Variants in CTNND2 observed in about 807,000 individuals in gnomAD.
CTNND2 encodes the protein catenin delta-2.
CTNND2 carries 22 observed loss-of-function variants against 144.4 expected under a neutral mutation model. The ratio of observed to expected loss-of-function variants is 0.15; its 90% CI spans 0.11 to 0.22. The LOEUF is 0.22. Among genes scored for constraint, CTNND2 ranks in the 10% least tolerant of loss-of-function variants. The pLI is 1.00. For missense variants in CTNND2, 1,353 were observed against 1,618.8 expected (o/e 0.84, Z 2.82); for synonymous variants, 751 against 695.6 (o/e 1.08, Z -1.25).
Position 11,478,061 on chromosome 5 carries a change from G to A in CTNND2, c.288-65992C>T, listed in dbSNP as rs78105539. Among the ~76,000 whole-genome samples the A allele has an allele frequency of 3.3e-3, 506 of 152,264 alleles. 5 individuals carry two copies. Among genetic ancestry groups the A allele is most frequent in the Non-Finnish European group, 3.7e-3 (253 of 68,028 alleles). On this transcript the variant is annotated intron_variant, in intron 3 of 21. Transcript: ENST00000304623. ...CATGACTTGGTAAAAATTCTTTGTT[G>A]TTAAGCAGTCTACTGGAATTATTTT...
chr5:11,692,854 G>A (rs769417961), intron 2 of CTNND2, among the ~76,000 whole-genome samples: 11 of 152,154 alleles, frequency 7.2e-5, no homozygotes, highest in African/African-American at 1.4e-4. Context: ...TGCCGGCCTC[G>A]GCCTCCTAAA....
Position 11,564,976 on chromosome 5 carries a change from G to A in CTNND2, c.255C>T (p.Leu85=), listed in dbSNP as rs776202020. The A allele has an allele frequency of 1.1e-5, 17 of 1,613,914 alleles. No individual in the cohort carries two copies. Among genetic ancestry groups the A allele is most frequent in the Admixed American group, 6.7e-5 (4 of 60,004 alleles). Residue 85 remains leucine (L), a synonymous_variant, in exon 3 of 22, where the codon CTC becomes CTT. Coordinates refer to ENST00000304623, the MANE Select transcript of CTNND2 (RefSeq NM_001332.4). ...IVASQLERCK[L]GSETGSMSSM... ...TGCTCATGCTGCCAGTCTCGGATCC[G>A]AGCTTGCATCGCTCCAGCTGGCTGG...
chr5:11,792,373 G>T (rs1220325689), intron 1 of CTNND2, among the ~76,000 whole-genome samples: 2 of 152,100 alleles, frequency 1.3e-5, no homozygotes, highest in Non-Finnish European at 2.9e-5. Context: ...ATGATTGTTA[G>T]CATAAATTTG....
intron 1 of CTNND2, among the ~76,000 whole-genome samples, chr5:11,867,825 A>C (rs1428780144): frequency 6.6e-6 from 1 of 151,894 alleles, no homozygotes; most frequent in Non-Finnish European, 1.5e-5. Context: ...CTGTGACTTC[A>C]TTAAAATAAT....
chr5:11,878,178 C>A (rs1038961562), intron 1 of CTNND2, among the ~76,000 whole-genome samples: 27 of 152,094 alleles, frequency 1.8e-4, no homozygotes, highest in African/African-American at 6.3e-4. Flanking sequence ...TCTAGTTTTT[C>A]ATTTTATATT....
At chr5:11,048,034 C>G (rs1745454871) in intron 16 of CTNND2, among the ~76,000 whole-genome samples, 1 of 152,146 alleles carries the variant, frequency 6.6e-6, no homozygotes, top group African/African-American at 2.4e-5. Context: ...CTGCTGGCCG[C>G]TTCACCATCC....
In CTNND2 at chr5:11,773,341, A is replaced by G. The variant is rs1023895623; in HGVS notation, c.38-41069T>C. 7.9e-5 allele frequency among the ~76,000 whole-genome samples: 12 copies of G among 152,258 alleles called. 1 individual carries two copies. The highest frequency in any genetic ancestry group is 1.9e-4 in the African/African-American group (8 of 41,460). Reference sequence around the variant, plus strand: ...ACAATTAGTAATGATGCAAATTACTAATAATATTGCTGAAAACACTTAATT... The same window carrying G: ...ACAATTAGTAATGATGCAAATTACTGATAATATTGCTGAAAACACTTAATT... On this transcript the variant is annotated intron_variant, in intron 1 of 21. Coordinates refer to ENST00000304623, the MANE Select transcript of CTNND2 (RefSeq NM_001332.4).
chr5:10,998,553 T>C (rs706306), intron 18 of CTNND2, among the ~76,000 whole-genome samples: 120,510 of 152,078 alleles, frequency 0.79, 47,999 homozygotes, highest in African/African-American at 0.87. Flanking sequence ...CTACAGTGAC[T>C]AAACTGCACA....
intron 2 of CTNND2, among the ~76,000 whole-genome samples, chr5:11,701,304 C>G (rs563854985): frequency 6.6e-6 from 1 of 152,172 alleles, no homozygotes; most frequent in Admixed American, 6.5e-5. Context: ...AGAATTCCAT[C>G]GGATGTCACA....
At chr5:11,836,218 T>C (rs1201183516) in intron 1 of CTNND2, among the ~76,000 whole-genome samples, 7 of 152,182 alleles carry the variant, frequency 4.6e-5, no homozygotes, top group African/African-American at 1.4e-4. Flanking sequence ...CACGTTTTTA[T>C]ACATAATTTA....
chr5:11,814,668 G>C (rs1422542625), intron 1 of CTNND2, among the ~76,000 whole-genome samples: 1 of 152,176 alleles, frequency 6.6e-6, no homozygotes, highest in Admixed American at 6.5e-5. Flanking sequence ...AGTTTTTAAT[G>C]GACAAATATC....
intron 12 of CTNND2, among the ~76,000 whole-genome samples, chr5:11,127,040 C>T (rs1253549152): frequency 6.6e-6 from 1 of 152,230 alleles, no homozygotes; most frequent in African/African-American, 2.4e-5. Flanking sequence ...CACATCCGTG[C>T]AGGGGTGGGG....
At chr5:11,397,728 G>T (rs775620059) in intron 5 of CTNND2, among the ~76,000 whole-genome samples, 3 of 152,102 alleles carry the variant, frequency 2.0e-5, no homozygotes, top group African/African-American at 7.2e-5. Context: ...CTCTTTGTAC[G>T]ATGTGGAATT....
At chr5:11,440,402 C>T (rs796425804) in intron 3 of CTNND2, among the ~76,000 whole-genome samples, 88 of 152,218 alleles carry the variant, frequency 5.8e-4, no homozygotes, top group African/African-American at 1.9e-3. Flanking sequence ...ATGCTATGAT[C>T]CTGGTGTGTG....
intron 9 of CTNND2, among the ~76,000 whole-genome samples, chr5:11,333,496 T>A (rs777775774): frequency 6.6e-6 from 1 of 152,116 alleles, no homozygotes; most frequent in Non-Finnish European, 1.5e-5. Flanking sequence ...TTTATTTCGA[T>A]AAGCAAAGGT....
intron 1 of CTNND2, among the ~76,000 whole-genome samples, chr5:11,858,411 A>G (rs1247598662): frequency 1.3e-5 from 2 of 152,204 alleles, no homozygotes; most frequent in African/African-American, 2.4e-5. Flanking sequence ...AGTGTTCATA[A>G]GGTAACTAAA....
intron 9 of CTNND2, among the ~76,000 whole-genome samples, chr5:11,277,383 T>C (rs888800687): frequency 4.0e-5 from 6 of 151,838 alleles, no homozygotes; most frequent in African/African-American, 1.4e-4. Flanking sequence ...ACTTGTTAAT[T>C]AAAAAAATAA....
At chr5:11,567,491 T>C (rs571956508) in intron 2 of CTNND2, among the ~76,000 whole-genome samples, 9 of 152,320 alleles carry the variant, frequency 5.9e-5, no homozygotes, top group South Asian at 2.1e-4. Flanking sequence ...TTTAGGCCAC[T>C]TGGAATTGTC....
chr5:11,672,392 T>C (rs1200409341), intron 2 of CTNND2, among the ~76,000 whole-genome samples: 1 of 152,062 alleles, frequency 6.6e-6, no homozygotes, highest in African/African-American at 2.4e-5. Flanking sequence ...AGCCACCCCT[T>C]CCCCCAGGTG....
Sources: gnomAD v4.1 joint callset for allele counts (sites outside exome capture counted in the v4.1 genomes callset) on GRCh38, gnomAD v4.1.1 for gene constraint, MANE v1.5 for transcripts, NCBI Gene and HGNC (gene_info 2026-07-23, HGNC 2026-07-21) for gene names.